The following MACROD2 variants were observed in gnomAD, a reference collection of about 807,000 sequenced individuals.
The protein encoded by MACROD2 is ADP-ribose glycohydrolase MACROD2.
A neutral mutation model predicts 70.4 loss-of-function variants in MACROD2; 36 were observed. That is an observed-to-expected ratio of 0.51 (90% CI 0.39 to 0.68). The LOEUF is 0.68. Among genes scored for constraint, MACROD2 ranks in the 30% least tolerant of loss-of-function variants. MACROD2 has a pLI of 0.00. For synonymous variants in MACROD2, 172 were observed against 178.8 expected (o/e 0.96, Z 0.30); for missense variants, 496 against 538.4 (o/e 0.92, Z 0.78).
At chr20:15,563,500 GC>G (rs2048271872) in intron 8 of MACROD2, among the ~76,000 whole-genome samples, 1 of 152,050 alleles carries the variant, frequency 6.6e-6, no homozygotes, top group Non-Finnish European at 1.5e-5. Context: ...CAAACATTGA[GC>G]ATAATAAGAA....
chr20:15,940,957 A>G (rs1317780537), intron 12 of MACROD2, among the ~76,000 whole-genome samples: 1 of 152,146 alleles, frequency 6.6e-6, no homozygotes, highest in African/African-American at 2.4e-5. Context: ...AAGAGGGATA[A>G]TTTAATTTGA....
At chr20:14,765,724 A>G (rs1228418091) in intron 5 of MACROD2, among the ~76,000 whole-genome samples, 1 of 152,104 alleles carries the variant, frequency 6.6e-6, no homozygotes, top group East Asian at 1.9e-4. Context: ...AAATAAATCA[A>G]CATATGAAAC....
chr20:14,018,631 G>A (rs545588670), intron 2 of MACROD2, among the ~76,000 whole-genome samples: 4 of 151,918 alleles, frequency 2.6e-5, no homozygotes, highest in Non-Finnish European at 5.9e-5. Flanking sequence ...TTTCATTTTG[G>A]TTATTCTTTT....
rs939608709 is a variant in MACROD2, at chr20:15,574,400, G to C, written c.645+74553G>C. ...TTCTTCCTCTCATCTTATAAGATAG[G>C]GTTATATTTAGTTGGCTTTTTTCAT... is the stretch of plus-strand genomic sequence containing the variant. On this transcript the variant is annotated intron_variant, in intron 8 of 17. Coordinates refer to ENST00000684519, the MANE Select transcript of MACROD2 (RefSeq NM_001351661.2). Among the ~76,000 whole-genome samples the C allele has an allele frequency of 2.6e-5, 4 of 151,992 alleles. No individual in the cohort carries two copies. In the South Asian group the frequency reaches 6.3e-4, roughly 24 times the overall value.
At chr20:14,632,153 A>G (rs1984547328) in intron 4 of MACROD2, among the ~76,000 whole-genome samples, 1 of 152,150 alleles carries the variant, frequency 6.6e-6, no homozygotes. Context: ...AAGTAAGCTT[A>G]CTGTAGTGTG....
intron 8 of MACROD2, among the ~76,000 whole-genome samples, chr20:15,641,563 C>T (rs745503922): frequency 6.6e-6 from 1 of 152,038 alleles, no homozygotes; most frequent in Non-Finnish European, 1.5e-5. Flanking sequence ...CAACAGAGCT[C>T]CATTATTAGT....
chr20:14,797,561 T>C (rs1161034235), intron 5 of MACROD2, among the ~76,000 whole-genome samples: 1 of 152,036 alleles, frequency 6.6e-6, no homozygotes, highest in Non-Finnish European at 1.5e-5. Flanking sequence ...CTTTCTCACC[T>C]AGTTAATGCT....
intron 10 of MACROD2, among the ~76,000 whole-genome samples, chr20:15,889,416 C>T (rs2064861595): frequency 6.6e-6 from 1 of 152,174 alleles, no homozygotes; most frequent in South Asian, 2.1e-4. Flanking sequence ...GGATTAGTTC[C>T]TTGCTTAAAT....
intron 5 of MACROD2, among the ~76,000 whole-genome samples, chr20:14,738,086 T>TG (rs2071689282): frequency 4.1e-5 from 1 of 24,552 alleles, no homozygotes; most frequent in Admixed American, 4.4e-4. Flanking sequence ...TTCTATCAAG[T>TG]GTTTTTTTTT....
intron 5 of MACROD2, among the ~76,000 whole-genome samples, chr20:15,168,319 A>G (rs566522918): frequency 9.1e-4 from 139 of 152,222 alleles, no homozygotes; most frequent in Non-Finnish European, 7.9e-4. Context: ...ATTTTAATAC[A>G]TATAAATCGA....
At chr20:15,777,940 T>G (rs547894381) in intron 8 of MACROD2, among the ~76,000 whole-genome samples, 128 of 152,240 alleles carry the variant, frequency 8.4e-4, no homozygotes, top group African/African-American at 2.8e-3. Context: ...CGTGAGCCAC[T>G]GCACCCCACC....
intron 6 of MACROD2, among the ~76,000 whole-genome samples, chr20:15,411,882 GT>G (rs2046083615): frequency 6.6e-6 from 1 of 152,184 alleles, no homozygotes; most frequent in African/African-American, 2.4e-5. Context: ...GGCGCAGATG[GT>G]TTAATCCTTG....
At chr20:14,613,013 A>G (rs1047130588) in intron 4 of MACROD2, among the ~76,000 whole-genome samples, 2 of 152,130 alleles carry the variant, frequency 1.3e-5, no homozygotes, top group African/African-American at 2.4e-5. Flanking sequence ...GTTCTTCAGT[A>G]TTCCTGAGAA....
chr20:14,729,284 C>G (rs1048263182), intron 5 of MACROD2, among the ~76,000 whole-genome samples: 12 of 152,130 alleles, frequency 7.9e-5, no homozygotes, highest in Non-Finnish European at 1.3e-4. Flanking sequence ...ACCGTACATA[C>G]TTTAAACCAA....
chr20:14,719,473 G>GAAAAAAAAAAAAAAAAAA (rs11087105), intron 5 of MACROD2, among the ~76,000 whole-genome samples: 1 of 136,322 alleles, frequency 7.3e-6, no homozygotes, highest in Non-Finnish European at 1.6e-5. Flanking sequence ...AAGATAGAAA[G>GAAAAAAAAAAAAAAAAAA]AAAAAAAAAA....
In MACROD2 at chr20:15,677,496, G is replaced by T. The variant is rs117878525; in HGVS notation, c.645+177649G>T. Among the ~76,000 whole-genome samples the T allele has an allele frequency of 9.5e-3, 1,448 of 152,218 alleles. 12 individuals carry two copies. Among genetic ancestry groups the T allele is most frequent in the Middle Eastern group, 0.017 (5 of 294 alleles). Reference sequence around the variant, plus strand: ...CAGGTAGCTCTGCAGCAGAGCTGGGGCACCGTGCCTGCTCTCCCAGGCAGA... The same window carrying T: ...CAGGTAGCTCTGCAGCAGAGCTGGGTCACCGTGCCTGCTCTCCCAGGCAGA... On this transcript the variant is annotated intron_variant, in intron 8 of 17. Transcript: ENST00000684519.
chr20:14,098,493 A>T (rs1444586252), intron 3 of MACROD2, among the ~76,000 whole-genome samples: 2 of 152,228 alleles, frequency 1.3e-5, no homozygotes, highest in South Asian at 4.1e-4. Context: ...GATTGTATAG[A>T]TAACCATTTA....
intron 3 of MACROD2, among the ~76,000 whole-genome samples, chr20:14,462,850 T>C (rs369858246): frequency 2.0e-5 from 3 of 152,070 alleles, no homozygotes; most frequent in Non-Finnish European, 4.4e-5. Flanking sequence ...GTTGTAGATA[T>C]GCGGCATTAT....
chr20:14,249,450 G>C (rs922917371), intron 3 of MACROD2, among the ~76,000 whole-genome samples: 4 of 151,966 alleles, frequency 2.6e-5, no homozygotes, highest in Non-Finnish European at 5.9e-5. Context: ...ATGGAGAAAA[G>C]AGGGTGGCTT....
Sources: allele counts gnomAD v4.1 joint callset (sites outside exome capture counted in the v4.1 genomes callset), GRCh38; gene constraint gnomAD v4.1.1; transcripts MANE v1.5; gene names NCBI Gene and HGNC (gene_info 2026-07-23, HGNC 2026-07-21).